IL13RA1: variants seen among roughly 807,000 people sequenced by gnomAD.
The protein encoded by IL13RA1 is interleukin 13 receptor subunit alpha 1, also known as interleukin-13 receptor subunit alpha-1.
IL13RA1 carries 14 observed loss-of-function variants against 33.8 expected under a neutral mutation model. The ratio of observed to expected loss-of-function variants is 0.41; its 90% CI spans 0.27 to 0.65. The LOEUF (loss-of-function observed/expected upper bound fraction) is 0.65. Among genes scored for constraint, IL13RA1 ranks in the 30% least tolerant of loss-of-function variants. The probability of loss-of-function intolerance (pLI) is 0.28; values close to 1 mark genes in which losing one functional copy is unlikely to be tolerated. For synonymous variants in IL13RA1, 116 were observed against 115.7 expected, an observed-to-expected ratio of 1.00 and a Z score of -0.02; for missense variants, 313 against 327.0, an observed-to-expected ratio of 0.96 and a Z score of 0.33.
chrX:118,761,462 A>T lies in IL13RA1; in HGVS notation c.828+173A>T, dbSNP rs191843455. ...GGAAGATTTGAAGATTTATGGTATG[A>T]TAGTATCAGCTGCAAGTTTCAAGCC... On this transcript the variant is annotated intron_variant, in intron 6 of 10. Coordinates refer to ENST00000371666, the MANE Select transcript of IL13RA1 (RefSeq NM_001560.3). The T allele has an allele frequency of 2.1e-3, 685 of 322,684 alleles. 12 individuals are homozygous for T. The South Asian group carries it at 0.044, about 21-fold the overall frequency. 26.6% of individuals were successfully genotyped at this position (322,684 alleles called of 1,213,427 possible).
At chrX:118,798,526 A>G (rs1223625323), downstream of IL13RA1, among the ~76,000 whole-genome samples, 1 of 111,299 alleles carries the variant, frequency 9.0e-6, no homozygotes, top group African/African-American at 3.3e-5. Flanking sequence ...CCCTCTTTAG[A>G]GTTTGCTGCC....
chrX:118,740,246 C>T (rs1238660064), intron 1 of IL13RA1, among the ~76,000 whole-genome samples: 3 of 112,154 alleles, frequency 2.7e-5, no homozygotes, highest in East Asian at 2.8e-4. Context: ...TGTGAGCCGC[C>T]GTGCCCAGTC....
At chrX:118,802,878 A>C in the IL13RA1 span, among the ~76,000 whole-genome samples, 1 of 112,010 alleles carries the variant, frequency 8.9e-6, no homozygotes, top group East Asian at 2.8e-4. Context: ...TACAGCCTTG[A>C]ACATTCAAGC....
intron 1 of IL13RA1, among the ~76,000 whole-genome samples, chrX:118,731,260 C>G (rs2017214571): frequency 9.0e-6 from 1 of 111,425 alleles, no homozygotes; most frequent in Non-Finnish European, 1.9e-5. Context: ...AGGCCAGGGA[C>G]ACATATCAAT....
Position 118,742,984 on chromosome X carries a change from A to G in IL13RA1, c.228+1828A>G, listed in dbSNP as rs1330866419. On this transcript the variant is annotated intron_variant, in intron 2 of 10. Transcript: ENST00000371666. ...ATTATCATTTAATCTTGTTTCCTCC[A>G]TTTTACCCCTGAAGAAACCAGATAG... is the stretch of plus-strand genomic sequence containing the variant. Among the ~76,000 whole-genome samples, 3 of 111,610 alleles carry G rather than the reference A, an allele frequency of 2.7e-5. No homozygotes were observed. In the Admixed American group the frequency reaches 2.9e-4, roughly 11 times the overall value.
intron 9 of IL13RA1, among the ~76,000 whole-genome samples, chrX:118,775,197 G>C (rs1333722622): frequency 1.8e-5 from 2 of 111,352 alleles, no homozygotes; most frequent in Non-Finnish European, 3.8e-5. Flanking sequence ...TCAGATATTC[G>C]AGGAAAGAGC....
intron 1 of IL13RA1, among the ~76,000 whole-genome samples, chrX:118,736,907 A>T (rs973976172): frequency 2.6e-5 from 3 of 113,240 alleles, no homozygotes; most frequent in Middle Eastern, 9.1e-3. Flanking sequence ...TATAGGTGTG[A>T]GTCACCATGC....
Position 118,791,955 on chromosome X carries a change from C to T in IL13RA1, c.*101C>T, listed in dbSNP as rs1341620784. 1 of 426,219 alleles carries T rather than the reference C, an allele frequency of 2.3e-6. No individual in the cohort carries two copies. The highest frequency in any genetic ancestry group is 2.5e-5 in the African/African-American group (1 of 39,421). 35.1% of individuals were successfully genotyped at this position (426,219 alleles called of 1,213,427 possible). A position where few individuals can be genotyped will look rare whatever the true frequency, so the allele number is the denominator to read the frequency against. On this transcript the variant is annotated 3_prime_UTR_variant, in exon 11 of 11. Coordinates refer to ENST00000371666, the MANE Select transcript of IL13RA1 (RefSeq NM_001560.3). ...TATTAAATGGAAACTGAAACTACTG[C>T]ACCATTTAAAAACAGGCAGCTCATA... is the stretch of plus-strand genomic sequence containing the variant.
chrX:118,747,893 C>G, intron 3 of IL13RA1, among the ~76,000 whole-genome samples: 1 of 109,055 alleles, frequency 9.2e-6, no homozygotes, highest in South Asian at 3.9e-4. Flanking sequence ...CCTTAGTTTC[C>G]TCATCTGTAA....
chrX:118,792,856 G>C lies in IL13RA1; in HGVS notation c.*1002G>C, dbSNP rs998718365. The C allele has an allele frequency of 9.0e-6, 1 of 111,011 alleles. No individual in the cohort carries two copies. The highest frequency in any genetic ancestry group is 3.3e-5 in the African/African-American group (1 of 30,471). The allele number at this position is 111,011 out of a possible 1,213,427, so 9.1% of individuals were successfully genotyped here. A position where few individuals can be genotyped will look rare whatever the true frequency, so the allele number is the denominator to read the frequency against. On this transcript the variant is annotated 3_prime_UTR_variant, in exon 11 of 11. Transcript: ENST00000371666. ...GGCAGTGGAGGTAGAATGACTCCTT[G>C]GGTATTAGAGTTTCAACCATGAAGT...
intron 8 of IL13RA1, 114 bp from the exon 9 acceptor site, chrX:118,773,765 T>C: frequency 2.0e-6 from 1 of 500,717 alleles, no homozygotes; most frequent in East Asian, 3.7e-5. Context: ...GGAAAATAGG[T>C]TGGGGGAGGG....
chrX:118,782,468 A>G (rs2017855302), intron 10 of IL13RA1, among the ~76,000 whole-genome samples: 1 of 112,215 alleles, frequency 8.9e-6, no homozygotes, highest in Admixed American at 9.5e-5. Context: ...AGTTCCTACT[A>G]AAAAGGCAAG....
At position 118,758,014 on chromosome X, in the gene IL13RA1, G is replaced by T. The variant is rs188727867; in HGVS notation, c.489-41G>T. The T allele has an allele frequency of 7.6e-5, 70 of 920,132 alleles. No individual in the cohort carries two copies. The East Asian group carries it at 2.1e-3, about 28-fold the overall frequency. The allele number at this position is 920,132 out of a possible 1,213,427, so 75.8% of individuals were successfully genotyped here. On this transcript the variant is annotated intron_variant, in intron 4 of 10. Coordinates refer to ENST00000371666, the MANE Select transcript of IL13RA1 (RefSeq NM_001560.3). ...CCTGCTCTTATTTCTTGAATACTCTGTTGAATATAATGCAGAAGATTGTCT... is the reference window on the plus strand; with the variant it reads ...CCTGCTCTTATTTCTTGAATACTCTTTTGAATATAATGCAGAAGATTGTCT...
At chrX:118,799,594 AC>A in the IL13RA1 span, among the ~76,000 whole-genome samples, 1 of 110,989 alleles carries the variant, frequency 9.0e-6, no homozygotes. Context: ...TTGTAAACAC[AC>A]CAATCATCAC....
chrX:118,791,650 C>T (rs964016191), intron 10 of IL13RA1, 112 bp from the exon 11 acceptor site: 6 of 321,738 alleles, frequency 1.9e-5, no homozygotes, highest in African/African-American at 1.7e-4. Context: ...GGAAATCATA[C>T]CCCTACGGTT....
chrX:118,752,529 A>C (rs897494231), intron 4 of IL13RA1, among the ~76,000 whole-genome samples: 5 of 111,751 alleles, frequency 4.5e-5, no homozygotes, highest in Admixed American at 2.9e-4. Flanking sequence ...TGACCTCTCA[A>C]GTCTAGACAT....
At chrX:118,731,427 A>G (rs1231107557) in intron 1 of IL13RA1, among the ~76,000 whole-genome samples, 3 of 111,077 alleles carry the variant, frequency 2.7e-5, no homozygotes, top group African/African-American at 9.9e-5. Context: ...AAATACAAAA[A>G]TTAGCCAGGC....
chrX:118,777,087 C>A (rs761579482), intron 10 of IL13RA1, among the ~76,000 whole-genome samples: 17 of 108,613 alleles, frequency 1.6e-4, no homozygotes, highest in Non-Finnish European at 3.2e-4. Context: ...CTATCTCTTT[C>A]CAGAAATTTT....
rs991392445 is a variant in IL13RA1 at position 118,793,654 on chromosome X, A to G, written c.*1800A>G. The G allele has an allele frequency of 8.9e-6, 1 of 112,159 alleles. No homozygotes were observed. Among genetic ancestry groups the G allele is most frequent in the African/African-American group, 3.2e-5 (1 of 30,846 alleles). 9.2% of individuals were successfully genotyped at this position (112,159 alleles called of 1,213,427 possible). ...CTCATATTACTGGTAGGAACTTGAGAACTTTATTTCCAAGTTGTTCAAACA... is the reference window on the plus strand; with the variant it reads ...CTCATATTACTGGTAGGAACTTGAGGACTTTATTTCCAAGTTGTTCAAACA... On this transcript the variant is annotated 3_prime_UTR_variant, in exon 11 of 11. Transcript: ENST00000371666.
Sources: gnomAD v4.1 joint callset for allele counts (sites outside exome capture counted in the v4.1 genomes callset) on GRCh38, gnomAD v4.1.1 for gene constraint, MANE v1.5 for transcripts, NCBI Gene and HGNC (gene_info 2026-07-23, HGNC 2026-07-21) for gene names.